Variants in LRRC53 observed in about 807,000 individuals in gnomAD.
LRRC53 encodes the protein leucine rich repeat containing 53, also known as leucine-rich repeat-containing protein 53.
LRRC53 carries 25 observed loss-of-function variants against 13.6 expected under a neutral mutation model. That is an observed-to-expected ratio of 1.83 (90% CI 1.34 to 2.56). LRRC53 has a LOEUF of 2.56. Ranked by LOEUF, LRRC53 falls within the 30% of genes most tolerant of loss-of-function variation. The pLI is 0.00. For missense variants in LRRC53, 527 were observed against 275.8 expected, an observed-to-expected ratio of 1.91 and a Z score of -6.45; for synonymous variants, 204 against 109.8, an observed-to-expected ratio of 1.86 and a Z score of -5.37.
rs1252027075 is a variant in LRRC53, at chr1:74,470,619, T to C, written c.3003A>G (p.Thr1001=). 2.5e-6 allele frequency: 1 copy of C among 400,624 alleles called. No individual in the cohort carries two copies. Among genetic ancestry groups the C allele is most frequent in the Non-Finnish European group, 4.4e-6 (1 of 226,202 alleles). 24.8% of individuals were successfully genotyped at this position (400,624 alleles called of 1,614,324 possible). The stretch of plus-strand genomic sequence containing the variant: ...GAATGAGAGAGGAATCATAAGTTTC[T>C]GTTTTTGAAAGTTTTTTTTCTACAT... The part of the protein sequence containing the change: ...ENDVEKKLSK[T]ETYDSSLIPQ... Residue 1001 remains threonine (T), a synonymous_variant, in exon 5 of 5, where the codon ACA becomes ACG. Transcript: ENST00000294635.
chr1:74,525,624 G>A, the LRRC53 span, among the ~76,000 whole-genome samples: 1 of 152,190 alleles, frequency 6.6e-6, no homozygotes, highest in African/African-American at 2.4e-5. Context: ...ACAAAGCATG[G>A]CTCCTAGTCT....
rs1668426249 is a variant in LRRC53, at chr1:74,480,377, C to A, written c.680G>T (p.Arg227Leu). Residue 227 changes from arginine (R) to leucine (L), a missense_variant, in exon 3 of 5, where the codon CGG becomes CTG. Arg to Leu is a moderately radical substitution (Grantham distance 102). Coordinates refer to ENST00000294635, the MANE Select transcript of LRRC53 (RefSeq NM_001382280.1). ...SCTCDLHPLA[R>L]FLRNYIKSSA... ...AGACTTAATGTAGTTTCTTAAAAAC[C>A]GAGCAAGGGGATGGAGATCACAAGT... 1.4e-6 allele frequency: 1 copy of A among 717,588 alleles called. No homozygotes were observed. The highest frequency in any genetic ancestry group is 2.6e-6 in the Non-Finnish European group (1 of 385,108). 44.5% of individuals were successfully genotyped at this position (717,588 alleles called of 1,614,324 possible). A position where few individuals can be genotyped will look rare whatever the true frequency, so the allele number is the denominator to read the frequency against.
chr1:74,498,140 T>C (rs1265590535), intron 1 of LRRC53, among the ~76,000 whole-genome samples: 1 of 152,248 alleles, frequency 6.6e-6, no homozygotes, highest in Non-Finnish European at 1.5e-5. Context: ...ATAGCATTCT[T>C]GGAGAGGAAA....
the LRRC53 span, among the ~76,000 whole-genome samples, chr1:74,532,759 T>C: frequency 4.6e-5 from 7 of 151,782 alleles, no homozygotes; most frequent in Non-Finnish European, 2.9e-5. Context: ...GAAATAATGC[T>C]GCATATCTAC....
chr1:74,510,768 A>C (rs1264088942), intron 1 of LRRC53, among the ~76,000 whole-genome samples: 1 of 152,230 alleles, frequency 6.6e-6, no homozygotes, highest in Non-Finnish European at 1.5e-5. Flanking sequence ...CAACTAGCTC[A>C]CAAATGTGTG....
intron 1 of LRRC53, among the ~76,000 whole-genome samples, chr1:74,504,492 T>C (rs1480836438): frequency 6.6e-6 from 1 of 152,070 alleles, no homozygotes. Context: ...AAACCACCCT[T>C]AGTTTGAAAC....
chr1:74,528,295 G>T, the LRRC53 span, among the ~76,000 whole-genome samples: 32 of 152,254 alleles, frequency 2.1e-4, no homozygotes, highest in African/African-American at 7.5e-4. Context: ...CCTGAGCAGG[G>T]TGAGGAGGGC....
chr1:74,495,315 T>C (rs1324887323), intron 1 of LRRC53, among the ~76,000 whole-genome samples: 1 of 152,190 alleles, frequency 6.6e-6, no homozygotes, highest in Non-Finnish European at 1.5e-5. Flanking sequence ...GGTAAAGCGT[T>C]TAGCTAAGTT....
upstream of LRRC53, among the ~76,000 whole-genome samples, chr1:74,515,675 C>A (rs140561064): frequency 6.6e-6 from 1 of 152,140 alleles, no homozygotes; most frequent in East Asian, 1.9e-4. Flanking sequence ...TTGAGGTGGG[C>A]AGACACAACA....
chr1:74,520,133 G>A, the LRRC53 span, among the ~76,000 whole-genome samples: 6 of 143,908 alleles, frequency 4.2e-5, no homozygotes, highest in Admixed American at 3.6e-4. Context: ...CCAATTTGTA[G>A]TCTTTTATCC....
intron 3 of LRRC53, among the ~76,000 whole-genome samples, chr1:74,476,059 G>GA (rs1472052516): frequency 6.6e-6 from 1 of 151,922 alleles, no homozygotes; most frequent in African/African-American, 2.4e-5. Context: ...CTCTTTGGTA[G>GA]AAAAAAAGGC....
At chr1:74,507,805 A>G (rs535282444) in intron 1 of LRRC53, among the ~76,000 whole-genome samples, 2 of 152,322 alleles carry the variant, frequency 1.3e-5, no homozygotes, top group Admixed American at 1.3e-4. Context: ...GGGCTCTGAG[A>G]CTTAGGAACT....
chr1:74,510,746 C>T (rs533771400), intron 1 of LRRC53, among the ~76,000 whole-genome samples: 29 of 152,296 alleles, frequency 1.9e-4, no homozygotes, highest in African/African-American at 7.0e-4. Context: ...TTGAAAAGTT[C>T]ATGGAATTAA....
chr1:74,493,563 T>C (rs1161313852), intron 1 of LRRC53, among the ~76,000 whole-genome samples: 1 of 152,248 alleles, frequency 6.6e-6, no homozygotes, highest in Non-Finnish European at 1.5e-5. Flanking sequence ...AATGCTATAA[T>C]AATTCCGTAT....
At chr1:74,486,484 TTG>T (rs1364173729) in intron 1 of LRRC53, among the ~76,000 whole-genome samples, 3 of 143,212 alleles carry the variant, frequency 2.1e-5, no homozygotes, top group Admixed American at 7.1e-5. Context: ...ATCACTTTTT[TTG>T]TGTGTGTTTT....
chr1:74,476,157 C>T (rs1668196069), intron 3 of LRRC53, among the ~76,000 whole-genome samples: 1 of 152,146 alleles, frequency 6.6e-6, no homozygotes, highest in African/African-American at 2.4e-5. Context: ...TTTATGAACT[C>T]TCATAATAGA....
intron 1 of LRRC53, among the ~76,000 whole-genome samples, chr1:74,494,277 A>G (rs1465654367): frequency 6.6e-6 from 1 of 152,206 alleles, no homozygotes; most frequent in African/African-American, 2.4e-5. Flanking sequence ...GGGTTTCTAT[A>G]CAATCTACAA....
the LRRC53 span, among the ~76,000 whole-genome samples, chr1:74,521,250 C>A: frequency 6.6e-6 from 1 of 152,058 alleles, no homozygotes; most frequent in Non-Finnish European, 1.5e-5. Context: ...TTTCTCTGTG[C>A]GATCTTGCCC....
At chr1:74,510,045 T>A (rs1670106212) in intron 1 of LRRC53, among the ~76,000 whole-genome samples, 1 of 152,170 alleles carries the variant, frequency 6.6e-6, no homozygotes, top group Non-Finnish European at 1.5e-5. Context: ...AATTTCAATG[T>A]CACAGATTTT....
Sources: allele counts gnomAD v4.1 joint callset (sites outside exome capture counted in the v4.1 genomes callset), GRCh38; gene constraint gnomAD v4.1.1; transcripts MANE v1.5; gene names NCBI Gene and HGNC (gene_info 2026-07-23, HGNC 2026-07-21).